Variants in SHC1 observed in about 807,000 individuals in gnomAD.
SHC1 encodes the protein SHC adaptor protein 1, also known as SHC-transforming protein 1.
SHC1 carries 30 observed loss-of-function variants against 55.9 expected under a neutral mutation model. The observed-to-expected ratio is 0.54, with a 90% confidence interval of 0.40 to 0.73. The LOEUF (loss-of-function observed/expected upper bound fraction) is 0.73, where lower values mean the gene tolerates loss of function less well. SHC1 is among the 30% of genes least tolerant of loss of function. The pLI is 0.00. For missense variants in SHC1, 675 were observed against 777.1 expected (o/e 0.87, Z 1.56); for synonymous variants, 309 against 306.1 (o/e 1.01, Z -0.10).
chr1:154,963,789 A>G lies in SHC1; in HGVS notation c.*14T>C. On this transcript the variant is annotated 3_prime_UTR_variant, in exon 12 of 12. Coordinates refer to ENST00000448116, the MANE Select transcript of SHC1 (RefSeq NM_001130040.2). ...GATTGGAGGGCATCTTCTGGAAGAG[A>G]GCGCTAGGGCAGATCACAGTTTCCG... 6.2e-7 allele frequency: 1 copy of G among 1,612,764 alleles called. No individual in the cohort carries two copies. The highest frequency in any genetic ancestry group is 8.5e-7 in the Non-Finnish European group (1 of 1,179,598).
upstream of SHC1, chr1:154,970,831 A>G: frequency 3.6e-6 from 1 of 274,294 alleles, no homozygotes; most frequent in South Asian, 6.3e-5. The surrounding 1 kb of genome is among the most constrained non-coding windows in gnomAD (Gnocchi z 5.5). Context: ...AATCGTGAGG[A>G]CAGTGCTGAC....
In SHC1 at chr1:154,968,294, T is replaced by C. The variant is rs1051341767; in HGVS notation, c.751-37A>G. On this transcript the variant is annotated intron_variant, in intron 4 of 11. Coordinates refer to ENST00000448116, the MANE Select transcript of SHC1 (RefSeq NM_001130040.2). ...GGCAGGGGATGAAGAAGGAAGGGAA[T>C]GCCATGTGTCAGGCAGCCTCAGGGC... 6 of 1,608,932 alleles carry C rather than the reference T, an allele frequency of 3.7e-6. No homozygotes were observed. The Admixed American group carries it at 5.0e-5, about 13-fold the overall frequency.
Position 154,970,171 on chromosome 1 carries a change from C to A in SHC1, c.356G>T (p.Gly119Val). Residue 119 changes from glycine to valine, a missense_variant, in exon 1 of 12, where the codon GGG (glycine) becomes GTG (valine). Physicochemically the swap from Gly to Val is moderately radical, Grantham distance 109. Coordinates refer to ENST00000448116, the MANE Select transcript of SHC1 (RefSeq NM_001130040.2). The surrounding 1 kb of genome is among the most constrained non-coding windows in gnomAD (Gnocchi z 5.5). Reference protein sequence around the residue: ...QDMNKLSGGGGRRTRVEGGQL... With the variant: ...QDMNKLSGGGVRRTRVEGGQL... ...GCCCCCTTCCACCCGAGTCCTGCGC[C>A]CGCCGCCTCCACTCAGCTTGTTCAT... The A allele has an allele frequency of 6.2e-7, 1 of 1,613,622 alleles. No homozygotes were observed. The highest frequency in any genetic ancestry group is 8.5e-7 in the Non-Finnish European group (1 of 1,179,938).
rs1656607053 is a variant in SHC1, at chr1:154,970,404, G to A, written c.123C>T (p.Ser41=). ...GCAGAGGAGGCAGGATGGGCCCCAG[G>A]GATGAAGCTGATGGGGAAGGCAGCT... ...PEELPSPSAS[S]LGPILPPLPG... is the part of the protein sequence containing the mutation. The change falls in exon 1 of 12, where the codon TCC becomes TCT. Residue 41 remains serine (S), a synonymous_variant. Transcript: ENST00000448116. This position sits in a 1 kb window ranked among gnomAD's most constrained non-coding sequence, Gnocchi z 5.5. 1.2e-6 allele frequency: 2 copies of A among 1,604,088 alleles called. No individual in the cohort carries two copies. The highest frequency in any genetic ancestry group is 1.3e-5 in the African/African-American group (1 of 74,658).
rs750300922 is a variant in SHC1, at chr1:154,963,854, G to A, written c.1704C>T (p.Ile568=). 5.6e-6 allele frequency: 9 copies of A among 1,614,088 alleles called. No individual in the cohort carries two copies. Among genetic ancestry groups the A allele is most frequent in the Middle Eastern group, 1.7e-4 (1 of 6,060 alleles). ...SYHMDNHLPI[I]SAGSELCLQQ... ...GTAGACACAGTTCGCTGCCCGCAGA[G>A]ATGATGGGCAAGTGATTGTCCATGT... Residue 568 remains isoleucine, a synonymous_variant, in exon 12 of 12, where the codon ATC becomes ATT. Transcript: ENST00000448116.
At chr1:154,967,845 G>GT (rs766630088) in intron 6 of SHC1, 48 bp from the exon 7 acceptor site, 10 of 1,609,360 alleles carry the variant, frequency 6.2e-6, no homozygotes, top group Non-Finnish European at 7.7e-6. Flanking sequence ...ACTGGGAGGA[G>GT]GCACAGACAG....
At position 154,970,668 on chromosome 1, in the gene SHC1, G is replaced by A. The variant is rs943128991; in HGVS notation, c.-142C>T. The A allele has an allele frequency of 1.7e-6, 1 of 586,644 alleles. No homozygotes were observed. The highest frequency in any genetic ancestry group is 3.0e-6 in the Non-Finnish European group (1 of 334,862). 36.3% of individuals were successfully genotyped at this position (586,644 alleles called of 1,614,324 possible). A position where few individuals can be genotyped will look rare whatever the true frequency, so the allele number is the denominator to read the frequency against. On this transcript the variant is annotated 5_prime_UTR_variant, in exon 1 of 12. Coordinates refer to ENST00000448116, the MANE Select transcript of SHC1 (RefSeq NM_001130040.2). This position sits in a 1 kb window ranked among gnomAD's most constrained non-coding sequence, Gnocchi z 5.5. Reference sequence around the variant, plus strand: ...GTCACAGAAGTCCTGGGGAGGGAGAGGGACAAGTGGCTTCCGCTCCCCAGC... The same window carrying A: ...GTCACAGAAGTCCTGGGGAGGGAGAAGGACAAGTGGCTTCCGCTCCCCAGC...
At chr1:154,973,277 G>A (rs1656917943), upstream of SHC1, 1 of 152,196 alleles carries the variant, frequency 6.6e-6, no homozygotes, top group South Asian at 2.1e-4. Flanking sequence ...TAAGGAGGCT[G>A]ATAAGGGTGG....
upstream of SHC1, among the ~76,000 whole-genome samples, chr1:154,971,158 T>A (rs28362595): frequency 6.6e-6 from 1 of 152,060 alleles, no homozygotes; most frequent in Non-Finnish European, 1.5e-5. Context: ...TTTCCCTTCC[T>A]GTCCTGGTTG....
Position 154,968,651 on chromosome 1 carries a change from C to G in SHC1, c.631-37G>C, listed in dbSNP as rs774105003. The stretch of plus-strand genomic sequence containing the variant: ...CCCAGGGTCTCAGAAGGTGAGGGTT[C>G]CCAGCACAGGCAAACCACACTTTTG... On this transcript the variant is annotated intron_variant, in intron 3 of 11. Transcript: ENST00000448116. The G allele has an allele frequency of 3.1e-6, 5 of 1,613,350 alleles. No individual in the cohort carries two copies. In the South Asian group the frequency reaches 5.5e-5, roughly 18 times the overall value.
At chr1:154,971,526 C>G (rs532616847), upstream of SHC1, among the ~76,000 whole-genome samples, 1 of 152,308 alleles carries the variant, frequency 6.6e-6, no homozygotes, top group Admixed American at 6.5e-5. Context: ...TGTCCTGTCT[C>G]CCCTTTCCAC....
In SHC1 at chr1:154,965,647, C is replaced by T. The variant is rs754044208; in HGVS notation, c.1522G>A (p.Asp508Asn). 6.2e-7 allele frequency: 1 copy of T among 1,614,114 alleles called. No homozygotes were observed. Among genetic ancestry groups the T allele is most frequent in the Admixed American group, 1.7e-5 (1 of 60,000 alleles). ...GTCGTGCTCTCCCGTACCAGGAAGT[C>T]CCCATTGAGCTGCAGCAGTGCCTCA... ...EAEALLQLNG[D>N]FLVRESTTTP... is the part of the protein sequence containing the mutation. Residue 508 changes from aspartate to asparagine, a missense_variant, in exon 11 of 12, where the codon GAC becomes AAC. Asp to Asn is a conservative substitution (Grantham distance 23). Around this residue, in one of 3 missense-constraint regions of SHC1, gnomAD observed 360 missense variants for 371.1 expected, o/e 0.97. Coordinates refer to ENST00000448116, the MANE Select transcript of SHC1 (RefSeq NM_001130040.2).
chr1:154,972,622 G>A (rs1358505421), upstream of SHC1, among the ~76,000 whole-genome samples: 1 of 152,158 alleles, frequency 6.6e-6, no homozygotes, highest in East Asian at 1.9e-4. Context: ...AGGACCAACG[G>A]GTGTGGGCGT....
intron 1 of SHC1, 58 bp downstream of exon 1, chr1:154,969,974 G>C (rs1183848540): frequency 2.5e-6 from 4 of 1,582,952 alleles, no homozygotes; most frequent in Non-Finnish European, 3.5e-6. Flanking sequence ...CCAAGCTGGA[G>C]TGAGCATTAG....
chr1:154,969,911 A>G, intron 1 of SHC1, 121 bp downstream of exon 1: 1 of 1,114,300 alleles, frequency 9.0e-7, no homozygotes, highest in Non-Finnish European at 1.3e-6. Flanking sequence ...GGTTTAGGAA[A>G]TAGGACACTG....
Position 154,970,071 on chromosome 1 carries a change from G to A in SHC1, c.456C>T (p.Asn152=), listed in dbSNP as rs1215385845. ...NKPTRGWLHP[N]DKVMGPGVSY... ...AAACCCCGGGTCCCATGACTTTGTC[G>A]TTGGGATGCAGCCAGCCCCGCGTGG... Residue 152 remains asparagine (N), a synonymous_variant, in exon 1 of 12, where the codon AAC becomes AAT. Coordinates refer to ENST00000448116, the MANE Select transcript of SHC1 (RefSeq NM_001130040.2). This position sits in a 1 kb window ranked among gnomAD's most constrained non-coding sequence, Gnocchi z 5.5. The A allele has an allele frequency of 1.9e-6, 3 of 1,613,968 alleles. No homozygotes were observed. Among genetic ancestry groups the A allele is most frequent in the Admixed American group, 1.7e-5 (1 of 60,008 alleles).
chr1:154,967,930 TCACCTCCTCAAACAGCCA>T, intron 6 of SHC1, 32 bp downstream of exon 6: 1 of 1,609,112 alleles, frequency 6.2e-7, no homozygotes, highest in Non-Finnish European at 8.5e-7. Flanking sequence ...AAGGTCCTAC[TCACCTCCTCAAACAGCCA>T]GACCCACCCA....
Position 154,970,384 on chromosome 1 carries a change from G to C in SHC1, c.143C>G (p.Pro48Arg). Reference protein sequence around the residue: ...SASSLGPILPPLPGDDSPTTL... With the variant: ...SASSLGPILPRLPGDDSPTTL... ...AGTGGGACTATCGTCCCCAGGCAGA[G>C]GAGGCAGGATGGGCCCCAGGGATGA... is the stretch of plus-strand genomic sequence containing the variant. Residue 48 changes from proline (P) to arginine (R), a missense_variant, in exon 1 of 12, where the codon CCT becomes CGT. Pro to Arg is a moderately radical substitution (Grantham distance 103). Transcript: ENST00000448116. The surrounding 1 kb of genome is among the most constrained non-coding windows in gnomAD (Gnocchi z 5.5). 6.2e-7 allele frequency: 1 copy of C among 1,603,706 alleles called. No individual in the cohort carries two copies. The highest frequency in any genetic ancestry group is 8.5e-7 in the Non-Finnish European group (1 of 1,175,322).
chr1:154,965,768 A>G lies in SHC1; in HGVS notation c.1401T>C (p.Asp467=). ...GGGGAGGTGGAGGCACGCGAAGAGC[A>G]TCTTCGAAGGGCTCTGGAAGTATAG... ...RDLFDMKPFE[D]ALRVPPPPQS... Residue 467 remains aspartate, a synonymous_variant, in exon 11 of 12, where the codon GAT becomes GAC. Transcript: ENST00000448116. The G allele has an allele frequency of 6.2e-7, 1 of 1,613,036 alleles. No homozygotes were observed. The highest frequency in any genetic ancestry group is 1.1e-5 in the South Asian group (1 of 91,048).
Sources: allele counts gnomAD v4.1 joint callset (sites outside exome capture counted in the v4.1 genomes callset), GRCh38; gene constraint gnomAD v4.1.1; regional missense constraint gnomAD v4.1.1; non-coding constraint Gnocchi (gnomAD v3.1); transcripts MANE v1.5; gene names NCBI Gene and HGNC (gene_info 2026-07-23, HGNC 2026-07-21).